Variants in TEAD1 observed in about 807,000 individuals in gnomAD.
TEAD1 encodes TEA domain transcription factor 1, also known as transcriptional enhancer factor TEF-1.
Under a neutral mutation model 54.9 loss-of-function variants are expected in TEAD1, and 9 were observed. The observed-to-expected ratio is 0.16, with a 90% CI of 0.10 to 0.29. The LOEUF (loss-of-function observed/expected upper bound fraction) is 0.29, where lower values mean the gene tolerates loss of function less well. Among genes scored for constraint, TEAD1 ranks in the 10% least tolerant of loss-of-function variants. TEAD1 has a pLI of 1.00. For missense variants in TEAD1, 387 were observed against 535.9 expected (o/e 0.72, Z 2.74); for synonymous variants, 200 against 187.8 (o/e 1.07, Z -0.53).
chr11:12,719,535 A>G (rs1944135772), intron 2 of TEAD1, among the ~76,000 whole-genome samples: 1 of 115,052 alleles, frequency 8.7e-6, no homozygotes, highest in Admixed American at 1.4e-4. Flanking sequence ...TTTCCAGCAC[A>G]TTGCTGACTC....
rs780796492 is a variant in TEAD1, at chr11:12,881,065, G to A, written c.512+14G>A. The A allele has an allele frequency of 3.7e-6, 6 of 1,614,088 alleles. No homozygotes were observed. The South Asian group carries it at 5.5e-5, about 15-fold the overall frequency. ...ATCCTCACAAGAGTAAGTCTGAGGAGGGGTGGGCACTGACAACTACGGGCT... is the reference window on the plus strand; with the variant it reads ...ATCCTCACAAGAGTAAGTCTGAGGAAGGGTGGGCACTGACAACTACGGGCT... On this transcript the variant is annotated intron_variant, in intron 7 of 12. Coordinates refer to ENST00000527636, the MANE Select transcript of TEAD1 (RefSeq NM_021961.6).
At chr11:12,814,236 C>T (rs1252745789) in intron 3 of TEAD1, among the ~76,000 whole-genome samples, 4 of 152,166 alleles carry the variant, frequency 2.6e-5, no homozygotes, top group Non-Finnish European at 4.4e-5. Flanking sequence ...GGGACCTGGA[C>T]GCCCGGGGAG....
intron 3 of TEAD1, among the ~76,000 whole-genome samples, chr11:12,859,821 A>G (rs1289863249): frequency 2.0e-5 from 3 of 152,154 alleles, no homozygotes; most frequent in Non-Finnish European, 4.4e-5. Context: ...GACTGGAAAC[A>G]GGGGTAGGGA....
chr11:12,869,176 A>G (rs1379015658), intron 5 of TEAD1, among the ~76,000 whole-genome samples: 1 of 152,200 alleles, frequency 6.6e-6, no homozygotes, highest in Non-Finnish European at 1.5e-5. Flanking sequence ...CATGGGGTTC[A>G]TTCAAATTTA....
rs1948923582 is a variant in TEAD1 at position 12,927,450 on chromosome 11, T to A, written c.1014+2398T>A. Among the ~76,000 whole-genome samples the A allele has an allele frequency of 2.0e-5, 3 of 152,216 alleles. 1 individual carries two copies. The South Asian group carries it at 6.2e-4, about 32-fold the overall frequency. On this transcript the variant is annotated intron_variant, in intron 11 of 12. Transcript: ENST00000527636. ...ACCATGTGGATTTGATTACAGTGGC[T>A]TTATAGTATATACTGATATTTGATG...
chr11:12,808,898 G>A (rs961889769), intron 3 of TEAD1, among the ~76,000 whole-genome samples: 2 of 152,158 alleles, frequency 1.3e-5, no homozygotes, highest in African/African-American at 4.8e-5. Flanking sequence ...GTGAGAATGT[G>A]AGAATACAGG....
Position 12,719,978 on chromosome 11 carries a change from TTTTTTTTTTTTTTTTTGG to T in TEAD1, c.-54-44200_-54-44183del, listed in dbSNP as rs1944156300. 5.6e-5 allele frequency among the ~76,000 whole-genome samples: 3 copies of T among 53,640 alleles called. 1 individual carries two copies. Among genetic ancestry groups the T allele is most frequent in the Non-Finnish European group, 9.6e-5 (3 of 31,138 alleles). The allele number at this position is 53,640 out of a possible 152,430, so 35.2% of individuals were successfully genotyped here. A position where few individuals can be genotyped will look rare whatever the true frequency, so the allele number is the denominator to read the frequency against. On this transcript the variant is annotated intron_variant, in intron 2 of 12. Transcript: ENST00000527636. ...TTTTTTTTTTTTTTTTTTTTTTTTT[TTTTTTTTTTTTTTTTTGG>T]GGGGGGACCCAGCCATGCTGTGTCT...
At chr11:12,763,384 G>A (rs2133924675) in intron 2 of TEAD1, among the ~76,000 whole-genome samples, 1 of 152,338 alleles carries the variant, frequency 6.6e-6, no homozygotes. Flanking sequence ...AGGCACTTGT[G>A]GTAGATGTTG....
chr11:12,735,756 A>G (rs1944518718), intron 2 of TEAD1, among the ~76,000 whole-genome samples: 1 of 152,138 alleles, frequency 6.6e-6, no homozygotes, highest in Admixed American at 6.6e-5. Context: ...ACTGGGTTGC[A>G]TTAGAGTTAT....
At chr11:12,897,302 A>G (rs1206020215) in intron 9 of TEAD1, among the ~76,000 whole-genome samples, 4 of 152,170 alleles carry the variant, frequency 2.6e-5, no homozygotes, top group Non-Finnish European at 4.4e-5. Flanking sequence ...ACCTTGGCCC[A>G]CTTCCCTTAT....
intron 2 of TEAD1, among the ~76,000 whole-genome samples, chr11:12,720,020 C>T (rs1944160159): frequency 9.8e-6 from 1 of 102,546 alleles, no homozygotes; most frequent in African/African-American, 3.5e-5. Context: ...CATGCTGTGT[C>T]TTGTAGATCT....
intron 2 of TEAD1, among the ~76,000 whole-genome samples, chr11:12,740,026 G>A (rs1174496509): frequency 1.3e-5 from 2 of 152,214 alleles, no homozygotes; most frequent in African/African-American, 2.4e-5. Flanking sequence ...TGGGAACTTT[G>A]TAGGTGGCGA....
chr11:12,738,467 T>C (rs556394487), intron 2 of TEAD1, among the ~76,000 whole-genome samples: 17 of 152,310 alleles, frequency 1.1e-4, no homozygotes, highest in Admixed American at 2.0e-4. Flanking sequence ...TCAAGAGAAT[T>C]TGAAGAGGTG....
At chr11:12,893,543 C>T (rs1422675425) in intron 9 of TEAD1, among the ~76,000 whole-genome samples, 2 of 152,200 alleles carry the variant, frequency 1.3e-5, no homozygotes, top group African/African-American at 2.4e-5. Context: ...CCAGTCAGGC[C>T]CCCTCTGCTT....
At chr11:12,757,226 G>C (rs1013016074) in intron 2 of TEAD1, among the ~76,000 whole-genome samples, 2 of 152,060 alleles carry the variant, frequency 1.3e-5, no homozygotes, top group African/African-American at 4.8e-5. Context: ...ACTCAAGTTT[G>C]CTTTACCATT....
At chr11:12,850,671 G>A (rs963802130) in intron 3 of TEAD1, among the ~76,000 whole-genome samples, 1 of 152,158 alleles carries the variant, frequency 6.6e-6, no homozygotes, top group East Asian at 1.9e-4. Flanking sequence ...CCAGAAATCG[G>A]CAGCATTGCA....
intron 2 of TEAD1, among the ~76,000 whole-genome samples, chr11:12,714,562 A>G (rs1404888713): frequency 6.6e-6 from 1 of 152,194 alleles, no homozygotes; most frequent in South Asian, 2.1e-4. Flanking sequence ...CACTGAAGAT[A>G]TAGTGAAAGA....
intron 2 of TEAD1, among the ~76,000 whole-genome samples, chr11:12,754,559 G>A (rs1388059392): frequency 6.6e-6 from 1 of 152,192 alleles, no homozygotes; most frequent in Non-Finnish European, 1.5e-5. Flanking sequence ...GGCAAACAAT[G>A]TGATGAATTG....
At chr11:12,757,573 G>A (rs1945008308) in intron 2 of TEAD1, among the ~76,000 whole-genome samples, 1 of 152,112 alleles carries the variant, frequency 6.6e-6, no homozygotes, top group Admixed American at 6.5e-5. Context: ...ACTGTGCCTG[G>A]CTTACAGTCT....
Sources: gnomAD v4.1 joint callset for allele counts (sites outside exome capture counted in the v4.1 genomes callset) on GRCh38, gnomAD v4.1.1 for gene constraint, MANE v1.5 for transcripts, NCBI Gene and HGNC (gene_info 2026-07-23, HGNC 2026-07-21) for gene names.